The following SLC13A3 variants were observed in gnomAD, a reference collection of about 807,000 sequenced individuals.
The protein encoded by SLC13A3 is Na(+)/dicarboxylate cotransporter 3.
In SLC13A3, 40 loss-of-function variants were observed where a neutral mutation model predicts 59.0. The ratio of observed to expected loss-of-function variants is 0.68; its 90% CI spans 0.53 to 0.88. SLC13A3 has a LOEUF of 0.88. SLC13A3 is among the 40% of genes least tolerant of loss of function. The probability of loss-of-function intolerance (pLI) is 0.00; values close to 1 mark genes in which losing one functional copy is unlikely to be tolerated. For synonymous variants in SLC13A3, 317 were observed against 330.3 expected, an observed-to-expected ratio of 0.96 and a Z score of 0.44; for missense variants, 699 against 783.2, an observed-to-expected ratio of 0.89 and a Z score of 1.28.
chr20:46,560,359 C>G (rs990380601), intron 12 of SLC13A3, among the ~76,000 whole-genome samples, 161 bp from the exon 13 acceptor site: 2 of 152,192 alleles, frequency 1.3e-5, no homozygotes, highest in African/African-American at 4.8e-5. Flanking sequence ...TGGGACCCTT[C>G]AATCTTTACA....
At chr20:46,609,101 AT>A (rs1456173030) in intron 3 of SLC13A3, 8 of 1,540,826 alleles carry the variant, frequency 5.2e-6, no homozygotes, top group Non-Finnish European at 7.0e-6. Context: ...TAAACTAGCC[AT>A]TTCTGCCCAC....
chr20:46,592,261 C>T (rs201214309), intron 6 of SLC13A3, 143 bp downstream of exon 6: 8 of 969,816 alleles, frequency 8.2e-6, no homozygotes, highest in Non-Finnish European at 1.2e-5. Context: ...ATATACATAC[C>T]TACATACATA....
chr20:46,568,949 G>T (rs1192974534), intron 10 of SLC13A3, among the ~76,000 whole-genome samples: 6 of 152,164 alleles, frequency 3.9e-5, no homozygotes, highest in Admixed American at 2.0e-4. Flanking sequence ...TTCTACTGGG[G>T]ACTCTAAAGG....
chr20:46,613,807 G>T lies in SLC13A3; in HGVS notation c.112-82C>A. Reference sequence around the variant, plus strand: ...GAGGCCCAGGGCTCAGGGCAGAGGGGGAAGGAGGCCTGGGCTGGGGGCAGA... The same window carrying T: ...GAGGCCCAGGGCTCAGGGCAGAGGGTGAAGGAGGCCTGGGCTGGGGGCAGA... On this transcript the variant is annotated intron_variant, in intron 1 of 12. Coordinates refer to ENST00000279027, the MANE Select transcript of SLC13A3 (RefSeq NM_022829.6). 2.3e-6 allele frequency: 3 copies of T among 1,311,018 alleles called. No homozygotes were observed. In the East Asian group the frequency reaches 7.5e-5, roughly 33 times the overall value. The allele number at this position is 1,311,018 out of a possible 1,614,324, so 81.2% of individuals were successfully genotyped here. A position where few individuals can be genotyped will look rare whatever the true frequency, so the allele number is the denominator to read the frequency against.
chr20:46,560,685 TAC>T (rs1262895219), intron 12 of SLC13A3, among the ~76,000 whole-genome samples: 1 of 151,828 alleles, frequency 6.6e-6, no homozygotes, highest in Non-Finnish European at 1.5e-5. Flanking sequence ...TACACATAGG[TAC>T]ACACACACAC....
upstream of SLC13A3, among the ~76,000 whole-genome samples, chr20:46,674,240 T>C (rs1284332126): frequency 6.6e-6 from 1 of 152,002 alleles, no homozygotes; most frequent in Non-Finnish European, 1.5e-5. Context: ...CCAAGAACAA[T>C]ATTGGCTTTG....
intron 1 of SLC13A3, 120 bp downstream of exon 1, chr20:46,651,191 C>T (rs916436265): frequency 7.4e-7 from 1 of 1,349,446 alleles, no homozygotes; most frequent in East Asian, 3.1e-5. Context: ...GGAGGGAAGG[C>T]GAGGGGGTCT....
chr20:46,580,062 T>A (rs1300239487), intron 9 of SLC13A3, among the ~76,000 whole-genome samples: 2 of 152,068 alleles, frequency 1.3e-5, no homozygotes, highest in Admixed American at 6.5e-5. Flanking sequence ...TTCAAGCAAT[T>A]CTTCTGCCTC....
chr20:46,642,582 A>T (rs2062855106), intron 1 of SLC13A3, among the ~76,000 whole-genome samples: 1 of 151,670 alleles, frequency 6.6e-6, no homozygotes, highest in Admixed American at 6.6e-5. Context: ...CCTGCTCAGG[A>T]CTCTTCCTGC....
intron 8 of SLC13A3, among the ~76,000 whole-genome samples, chr20:46,587,340 A>G (rs1394282180): frequency 6.6e-6 from 1 of 152,168 alleles, no homozygotes; most frequent in African/African-American, 2.4e-5. Flanking sequence ...ACAACCCTCC[A>G]ATGGCTGCCC....
In SLC13A3 at chr20:46,560,104, A is replaced by C; in HGVS notation, c.1727T>G (p.Phe576Cys). Reference protein sequence around the residue: ...WAQTIFQLGTFPDWADMYSVN... With the variant: ...WAQTIFQLGTCPDWADMYSVN... The stretch of plus-strand genomic sequence containing the variant: ...CGAGTACATATCAGCCCAGTCCGGG[A>C]AGGTGCCCAGCTGGAAGATGGTCTG... Residue 576 changes from phenylalanine (F) to cysteine (C), a missense_variant, in exon 13 of 13, where the codon TTC becomes TGC. Coordinates refer to ENST00000279027, the MANE Select transcript of SLC13A3 (RefSeq NM_022829.6). The C allele has an allele frequency of 1.9e-6, 3 of 1,614,132 alleles. No individual in the cohort carries two copies. Among genetic ancestry groups the C allele is most frequent in the Non-Finnish European group, 2.5e-6 (3 of 1,180,024 alleles).
In SLC13A3 at chr20:46,583,564, C is replaced by A. The variant is rs757796424; in HGVS notation, c.1219+8G>T. ...AGCCCACCGAGACCCCAGCCTTGACCACCTTACCTTTGAAGTCAAACCACC... is the reference window on the plus strand; with the variant it reads ...AGCCCACCGAGACCCCAGCCTTGACAACCTTACCTTTGAAGTCAAACCACC... On this transcript the variant is annotated splice_region_variant and intron_variant, in intron 9 of 12. Coordinates refer to ENST00000279027, the MANE Select transcript of SLC13A3 (RefSeq NM_022829.6). 5 of 1,613,576 alleles carry A rather than the reference C, an allele frequency of 3.1e-6. No individual in the cohort carries two copies. In the Admixed American group the frequency reaches 8.3e-5, roughly 27 times the overall value.
intron 1 of SLC13A3, chr20:46,613,943 C>T: frequency 2.1e-6 from 1 of 477,228 alleles, no homozygotes; most frequent in Non-Finnish European, 3.7e-6. Context: ...CCTTTCTAAG[C>T]CTCATTTTGC....
intron 1 of SLC13A3, among the ~76,000 whole-genome samples, chr20:46,650,725 G>C (rs534440126): frequency 2.6e-5 from 4 of 152,096 alleles, no homozygotes. Flanking sequence ...TGTGACTGTC[G>C]CGTGAAATGT....
At chr20:46,563,388 C>T in intron 12 of SLC13A3, 26 bp downstream of exon 12, 1 of 1,607,156 alleles carries the variant, frequency 6.2e-7, no homozygotes, top group Non-Finnish European at 8.5e-7. Flanking sequence ...ATCCCGGGGC[C>T]TCTGCTGGGA....
At chr20:46,670,471 G>C (rs1298816260), upstream of SLC13A3, among the ~76,000 whole-genome samples, 1 of 152,168 alleles carries the variant, frequency 6.6e-6, no homozygotes, top group Non-Finnish European at 1.5e-5. Flanking sequence ...TGGCCAATGG[G>C]ACATCAGCAA....
intron 9 of SLC13A3, 175 bp downstream of exon 9, chr20:46,583,397 G>C: frequency 7.1e-7 from 1 of 1,408,108 alleles, no homozygotes; most frequent in South Asian, 1.6e-5. Context: ...CCCTGTCCTG[G>C]ACTACCACCT....
upstream of SLC13A3, among the ~76,000 whole-genome samples, chr20:46,674,789 G>A (rs551350102): frequency 2.6e-5 from 4 of 152,106 alleles, no homozygotes; most frequent in South Asian, 8.3e-4. Context: ...GTAGAAATTA[G>A]GGCTAGAGCA....
intron 10 of SLC13A3, among the ~76,000 whole-genome samples, chr20:46,572,625 A>G (rs995070670): frequency 3.3e-5 from 5 of 152,170 alleles, no homozygotes; most frequent in African/African-American, 1.2e-4. Flanking sequence ...GAACCTCCAC[A>G]TGATTCTTGA....
Sources: gnomAD v4.1 joint callset for allele counts (sites outside exome capture counted in the v4.1 genomes callset) on GRCh38, gnomAD v4.1.1 for gene constraint, MANE v1.5 for transcripts, NCBI Gene and HGNC (gene_info 2026-07-23, HGNC 2026-07-21) for gene names.